The following OTUD7A variants were observed in gnomAD, a reference collection of about 807,000 sequenced individuals.
The protein encoded by OTUD7A is OTU domain-containing protein 7A.
OTUD7A carries 12 observed loss-of-function variants against 65.7 expected under a neutral mutation model. The ratio of observed to expected loss-of-function variants is 0.18; its 90% CI spans 0.12 to 0.30. OTUD7A has a LOEUF of 0.30. OTUD7A is among the 10% of genes least tolerant of loss of function. OTUD7A has a pLI of 1.00. For missense variants in OTUD7A, 1,148 were observed against 1,304.8 expected, an observed-to-expected ratio of 0.88 and a Z score of 1.85; for synonymous variants, 641 against 586.3, an observed-to-expected ratio of 1.09 and a Z score of -1.35.
intron 1 of OTUD7A, among the ~76,000 whole-genome samples, chr15:31,808,098 A>AGCACAC (rs796547270): frequency 3.1e-5 from 3 of 95,800 alleles, no homozygotes; most frequent in Non-Finnish European, 4.6e-5. Context: ...ACAAATGCCA[A>AGCACAC]ACACACACAC....
At chr15:31,640,193 C>T (rs1257838981) in intron 3 of OTUD7A, among the ~76,000 whole-genome samples, 4 of 152,062 alleles carry the variant, frequency 2.6e-5, no homozygotes, top group Non-Finnish European at 5.9e-5. Flanking sequence ...AACCAAACAT[C>T]GTATGTTCTG....
intron 10 of OTUD7A, among the ~76,000 whole-genome samples, chr15:31,493,858 A>G (rs1366867244): frequency 6.6e-6 from 1 of 152,268 alleles, no homozygotes; most frequent in Non-Finnish European, 1.5e-5. Context: ...TTACAGCAGT[A>G]CTTAGGGGAA....
At chr15:31,526,026 C>T (rs1429388874) in intron 8 of OTUD7A, among the ~76,000 whole-genome samples, 1 of 152,212 alleles carries the variant, frequency 6.6e-6, no homozygotes, top group Admixed American at 6.5e-5. Flanking sequence ...GCCTGCTGTG[C>T]CCTGAAGGCG....
At chr15:31,818,478 C>A (rs1228258549) in intron 1 of OTUD7A, among the ~76,000 whole-genome samples, 1 of 152,222 alleles carries the variant, frequency 6.6e-6, no homozygotes, top group Non-Finnish European at 1.5e-5. Context: ...GGCTTCCCTG[C>A]TTCCAGGTGA....
At position 31,724,708 on chromosome 15, in the gene OTUD7A, T is replaced by C. The variant is rs563459058; in HGVS notation, c.-99-67631A>G. Among the ~76,000 whole-genome samples the C allele has an allele frequency of 4.1e-4, 62 of 152,278 alleles. 2 individuals are homozygous for C. In the East Asian group the frequency reaches 0.012, roughly 29 times the overall value. ...AGTCAGAATACAAGGGCAGGAGTGCTGGGGTCCTGAAACCAATGTGAAAGG... is the reference window on the plus strand; with the variant it reads ...AGTCAGAATACAAGGGCAGGAGTGCCGGGGTCCTGAAACCAATGTGAAAGG... On this transcript the variant is annotated intron_variant, in intron 1 of 12. Transcript: ENST00000307050.
At chr15:31,611,953 T>C (rs1299533721) in intron 3 of OTUD7A, among the ~76,000 whole-genome samples, 4 of 152,186 alleles carry the variant, frequency 2.6e-5, no homozygotes, top group South Asian at 4.1e-4. Flanking sequence ...TAATCCACCA[T>C]GATCAAGTGG....
chr15:31,595,429 A>G (rs1053398751), intron 3 of OTUD7A, among the ~76,000 whole-genome samples: 2 of 152,228 alleles, frequency 1.3e-5, no homozygotes, highest in Non-Finnish European at 2.9e-5. Flanking sequence ...GATAATTTGT[A>G]CATGGTAGAA....
At chr15:31,540,409 G>C (rs1369029365) in intron 5 of OTUD7A, among the ~76,000 whole-genome samples, 1 of 152,204 alleles carries the variant, frequency 6.6e-6, no homozygotes, top group Non-Finnish European at 1.5e-5. Flanking sequence ...CTGGACTAGA[G>C]TGTCTAAGGT....
chr15:31,716,479 C>T (rs1159273111), intron 1 of OTUD7A, among the ~76,000 whole-genome samples: 1 of 119,268 alleles, frequency 8.4e-6, no homozygotes, highest in African/African-American at 2.6e-5. Context: ...TGAGTGGGCA[C>T]AGCCTCCACA....
chr15:31,710,466 C>G (rs1893414387), intron 1 of OTUD7A, among the ~76,000 whole-genome samples: 2 of 151,886 alleles, frequency 1.3e-5, no homozygotes. Flanking sequence ...ATGGGAATAC[C>G]TGCCAGAAAA....
chr15:31,566,577 T>C (rs1888881742), intron 4 of OTUD7A, among the ~76,000 whole-genome samples: 1 of 152,130 alleles, frequency 6.6e-6, no homozygotes. Flanking sequence ...ACACATTTGA[T>C]GTAGTTTGAA....
In OTUD7A at chr15:31,852,789, C is replaced by T. The variant is rs553792450; in HGVS notation, c.-100+17718G>A. Among the ~76,000 whole-genome samples, 63 of 152,342 alleles carry T rather than the reference C, an allele frequency of 4.1e-4. 1 individual carries two copies. In the South Asian group the frequency reaches 0.012, roughly 30 times the overall value. ...ACTTGGCAATGATTGCTACTCTTATCACTTAGAAATTACAGCGCTAATTTA... is the reference window on the plus strand; with the variant it reads ...ACTTGGCAATGATTGCTACTCTTATTACTTAGAAATTACAGCGCTAATTTA... On this transcript the variant is annotated intron_variant, in intron 1 of 12. Coordinates refer to ENST00000307050, the MANE Select transcript of OTUD7A (RefSeq NM_001382637.1).
intron 1 of OTUD7A, among the ~76,000 whole-genome samples, chr15:31,780,511 C>T (rs1895509818): frequency 6.6e-6 from 1 of 152,186 alleles, no homozygotes; most frequent in African/African-American, 2.4e-5. Context: ...AAGGTGGCTA[C>T]CTGACTCCAG....
At chr15:31,819,483 G>A (rs1203366200) in intron 1 of OTUD7A, among the ~76,000 whole-genome samples, 1 of 152,136 alleles carries the variant, frequency 6.6e-6, no homozygotes, top group Non-Finnish European at 1.5e-5. Flanking sequence ...TATTCAGAGA[G>A]AAAAGAATAT....
chr15:31,595,560 C>A (rs1339899938), intron 3 of OTUD7A, among the ~76,000 whole-genome samples: 2 of 130,850 alleles, frequency 1.5e-5, no homozygotes, highest in African/African-American at 8.1e-5. Context: ...TGGCCCCATG[C>A]CCCTCCCAGC....
At chr15:31,818,816 G>C (rs1273469769) in intron 1 of OTUD7A, among the ~76,000 whole-genome samples, 2 of 152,220 alleles carry the variant, frequency 1.3e-5, no homozygotes, top group Non-Finnish European at 2.9e-5. Flanking sequence ...CTAGTGGTCT[G>C]CTGCTGTAAA....
rs538207360 is a variant in OTUD7A at position 31,648,711 on chromosome 15, C to T, written c.151+6385G>A. On this transcript the variant is annotated intron_variant, in intron 3 of 12. Transcript: ENST00000307050. ...TTAGGTCAAACCAATGTACAGCCTCCGTGTATTGATTTATATCTTTGCCTG... is the reference window on the plus strand; with the variant it reads ...TTAGGTCAAACCAATGTACAGCCTCTGTGTATTGATTTATATCTTTGCCTG... 3.5e-3 allele frequency among the ~76,000 whole-genome samples: 539 copies of T among 152,244 alleles called. 5 individuals are homozygous for T. The highest frequency in any genetic ancestry group is 0.012 in the African/African-American group (506 of 41,532).
At chr15:31,674,732 C>T (rs988074458) in intron 1 of OTUD7A, among the ~76,000 whole-genome samples, 1 of 152,182 alleles carries the variant, frequency 6.6e-6, no homozygotes, top group South Asian at 2.1e-4. Context: ...CACTTGCTTA[C>T]CTGATAGAAA....
intron 1 of OTUD7A, among the ~76,000 whole-genome samples, chr15:31,756,746 GATAA>G (rs1265450285): frequency 6.6e-6 from 1 of 151,698 alleles, no homozygotes; most frequent in African/African-American, 2.4e-5. Context: ...GCCTATGCAA[GATAA>G]ATAAATTAGA....
Sources: gnomAD v4.1 joint callset for allele counts (sites outside exome capture counted in the v4.1 genomes callset) on GRCh38, gnomAD v4.1.1 for gene constraint, MANE v1.5 for transcripts, NCBI Gene and HGNC (gene_info 2026-07-23, HGNC 2026-07-21) for gene names.